Variants in RIMS1 observed in about 807,000 individuals in gnomAD.
RIMS1 encodes the protein regulating synaptic membrane exocytosis 1.
A neutral mutation model predicts 214.1 loss-of-function variants in RIMS1; 83 were observed. The observed-to-expected ratio is 0.39, with a 90% CI of 0.32 to 0.47. The LOEUF (loss-of-function observed/expected upper bound fraction) is 0.47, where lower values mean the gene tolerates loss of function less well. RIMS1 is among the 20% of genes least tolerant of loss of function. The pLI, the probability that RIMS1 is intolerant of heterozygous loss-of-function variation, is 0.99. For missense variants in RIMS1, 2,050 were observed against 2,161.8 expected, an observed-to-expected ratio of 0.95 and a Z score of 1.03; for synonymous variants, 793 against 786.8, an observed-to-expected ratio of 1.01 and a Z score of -0.13.
In RIMS1 at chr6:71,896,906, T is replaced by C. The variant is rs948959544; in HGVS notation, c.164+9719T>C. Among the ~76,000 whole-genome samples, 3 of 152,172 alleles carry C rather than the reference T, an allele frequency of 2.0e-5. 1 individual carries two copies. In the East Asian group the frequency reaches 5.8e-4, roughly 29 times the overall value. On this transcript the variant is annotated intron_variant, in intron 1 of 33. Coordinates refer to ENST00000521978, the MANE Select transcript of RIMS1 (RefSeq NM_014989.7). ...GTATCTCCGTCAATGGCTCCAACCATGTATATGTCAATGATCCCTAGATCT... is the reference window on the plus strand; with the variant it reads ...GTATCTCCGTCAATGGCTCCAACCACGTATATGTCAATGATCCCTAGATCT...
At chr6:71,978,086 A>C (rs1013403957) in intron 2 of RIMS1, among the ~76,000 whole-genome samples, 1 of 152,142 alleles carries the variant, frequency 6.6e-6, no homozygotes, top group Admixed American at 6.6e-5. Flanking sequence ...TTTTGAAAGC[A>C]GTGAGGGAGA....
chr6:72,034,018 G>GA (rs1469408568), intron 2 of RIMS1, among the ~76,000 whole-genome samples: 1 of 152,094 alleles, frequency 6.6e-6, no homozygotes, highest in African/African-American at 2.4e-5. Flanking sequence ...ACAGAATGAG[G>GA]AAAATTAAAT....
At chr6:72,344,825 C>A (rs911619417) in intron 29 of RIMS1, among the ~76,000 whole-genome samples, 2 of 151,658 alleles carry the variant, frequency 1.3e-5, no homozygotes, top group African/African-American at 4.8e-5. Flanking sequence ...TATGTTTGTT[C>A]TTTTCCTTGC....
intron 4 of RIMS1, among the ~76,000 whole-genome samples, chr6:72,157,875 T>A (rs925716752): frequency 2.1e-4 from 30 of 140,752 alleles, no homozygotes; most frequent in African/African-American, 7.1e-4. Flanking sequence ...TTTCATTTTC[T>A]TGCCAGCAAT....
intron 2 of RIMS1, among the ~76,000 whole-genome samples, chr6:72,018,770 A>G (rs117247131): frequency 6.6e-6 from 1 of 152,128 alleles, no homozygotes; most frequent in African/African-American, 2.4e-5. Context: ...GCAGATTAGG[A>G]TTGAGATTTG....
chr6:72,259,202 A>G (rs2076999084), intron 18 of RIMS1, 91 bp downstream of exon 18: 1 of 1,055,120 alleles, frequency 9.5e-7, no homozygotes, highest in East Asian at 2.6e-5. Context: ...TAGAGAGTAA[A>G]AGTATTTATC....
intron 6 of RIMS1, among the ~76,000 whole-genome samples, chr6:72,205,935 G>A (rs536207000): frequency 6.6e-6 from 1 of 152,070 alleles, no homozygotes; most frequent in Non-Finnish European, 1.5e-5. Context: ...TTGAGGGAAA[G>A]GGATTGCTAA....
chr6:71,981,127 G>A (rs1161072020), intron 2 of RIMS1, among the ~76,000 whole-genome samples: 4 of 152,046 alleles, frequency 2.6e-5, no homozygotes, highest in Non-Finnish European at 1.5e-5. Flanking sequence ...TAAGATTAAA[G>A]CAGAAGAGTG....
intron 31 of RIMS1, among the ~76,000 whole-genome samples, chr6:72,396,183 ATGTT>A (rs768387566): frequency 1.7e-3 from 261 of 152,274 alleles, no homozygotes; most frequent in Non-Finnish European, 2.5e-3. Context: ...ATCCAAAAAA[ATGTT>A]TGATAAAATT....
intron 29 of RIMS1, among the ~76,000 whole-genome samples, chr6:72,336,310 C>T (rs977561724): frequency 1.3e-5 from 2 of 151,776 alleles, no homozygotes; most frequent in Non-Finnish European, 1.5e-5. Context: ...ACTTGTGGCT[C>T]ATCTTTGTAT....
chr6:72,207,702 C>G (rs1252076532), intron 6 of RIMS1, among the ~76,000 whole-genome samples: 2 of 152,152 alleles, frequency 1.3e-5, no homozygotes, highest in Admixed American at 1.3e-4. Flanking sequence ...CTTGAAATTA[C>G]TTCCAGTTTA....
intron 23 of RIMS1, 131 bp from the exon 24 acceptor site, chr6:72,283,916 G>A (rs1477710036): frequency 1.6e-6 from 1 of 629,396 alleles, no homozygotes; most frequent in Non-Finnish European, 2.8e-6. Context: ...ATTTAGTTTT[G>A]AAAAGTACTG....
At chr6:71,903,716 C>T (rs996261750) in intron 1 of RIMS1, among the ~76,000 whole-genome samples, 7 of 151,684 alleles carry the variant, frequency 4.6e-5, no homozygotes, top group Admixed American at 1.3e-4. Context: ...TTCTGTTTCT[C>T]CCAACCAAAA....
At position 72,182,471 on chromosome 6, in the gene RIMS1, C is replaced by A. The variant is rs2048524633; in HGVS notation, c.1000C>A (p.Arg334=). 2 of 1,613,206 alleles carry A rather than the reference C, an allele frequency of 1.2e-6. No homozygotes were observed. Among genetic ancestry groups the A allele is most frequent in the Admixed American group, 3.3e-5 (2 of 59,874 alleles). ...SQDYPDTPEK[R]DEGKAADEEK... is the part of the protein sequence containing the mutation. ...GGATTACCCAGACACGCCGGAAAAA[C>A]GGGATGAGGGCAAAGCGGCGGATGA... is the stretch of plus-strand genomic sequence containing the variant. Residue 334 remains arginine (R), a synonymous_variant, in exon 6 of 34, where the codon CGG becomes AGG. Transcript: ENST00000521978.
At chr6:71,954,682 A>G (rs12204801) in intron 1 of RIMS1, among the ~76,000 whole-genome samples, 59,216 of 151,340 alleles carry the variant, frequency 0.39, 11,966 homozygotes, top group East Asian at 0.53. Flanking sequence ...TTTTTAGTCT[A>G]TTAGTAATTT....
chr6:72,292,132 T>C, intron 26 of RIMS1, 86 bp downstream of exon 26: 1 of 834,484 alleles, frequency 1.2e-6, no homozygotes, highest in South Asian at 1.9e-5. Flanking sequence ...ATGAATAGTA[T>C]TTTGATTATA....
At chr6:72,293,949 T>A (rs527316550) in intron 26 of RIMS1, among the ~76,000 whole-genome samples, 24 of 151,820 alleles carry the variant, frequency 1.6e-4, no homozygotes, top group African/African-American at 5.8e-4. Context: ...TTTTGGTTAT[T>A]TGAGTTTCCT....
At chr6:72,375,434 G>A (rs1162934168) in intron 29 of RIMS1, among the ~76,000 whole-genome samples, 1 of 151,008 alleles carries the variant, frequency 6.6e-6, no homozygotes, top group Non-Finnish European at 1.5e-5. Context: ...TTTTTTTTAA[G>A]TTTTCATTAC....
intron 1 of RIMS1, among the ~76,000 whole-genome samples, chr6:71,956,906 C>A (rs1291402935): frequency 6.6e-6 from 1 of 152,128 alleles, no homozygotes; most frequent in Admixed American, 6.6e-5. Context: ...AATCCCAGCT[C>A]TGTAGGTCTG....
Sources: allele counts gnomAD v4.1 joint callset (sites outside exome capture counted in the v4.1 genomes callset), GRCh38; gene constraint gnomAD v4.1.1; transcripts MANE v1.5; gene names NCBI Gene and HGNC (gene_info 2026-07-23, HGNC 2026-07-21).